The following VPS50 variants were observed in gnomAD, a reference collection of about 807,000 sequenced individuals.
VPS50 encodes the protein syndetin.
Under a neutral mutation model 139.7 loss-of-function variants are expected in VPS50, and 70 were observed. That is an observed-to-expected ratio of 0.50 (90% confidence interval 0.41 to 0.61). VPS50 has a LOEUF of 0.61. VPS50 is among the 20% of genes least tolerant of loss of function. The pLI, the probability that VPS50 is intolerant of heterozygous loss-of-function variation, is 0.00. For synonymous variants in VPS50, 365 were observed against 376.7 expected (o/e 0.97, Z 0.36); for missense variants, 921 against 1,133.7 (o/e 0.81, Z 2.69).
chr7:93,281,225 T>C (rs1796317842), intron 12 of VPS50, among the ~76,000 whole-genome samples: 2 of 152,182 alleles, frequency 1.3e-5, no homozygotes, highest in African/African-American at 2.4e-5. Context: ...CTTATAGGCT[T>C]TTAAAGTTTC....
intron 16 of VPS50, among the ~76,000 whole-genome samples, chr7:93,300,854 G>GA (rs1299551662): frequency 1.3e-5 from 2 of 151,796 alleles, no homozygotes; most frequent in Non-Finnish European, 2.9e-5. Flanking sequence ...TGCAGAAAGA[G>GA]AAAATTTCTT....
In VPS50 at chr7:93,296,785, T is replaced by G; in HGVS notation, c.1211T>G (p.Leu404Trp). Residue 404 changes from leucine (L) to tryptophan (W), a missense_variant, in exon 15 of 28, where the codon TTG (leucine) becomes TGG (tryptophan). By Grantham distance (61) the Leu-to-Trp change is moderately conservative (BLOSUM62 -2). This residue lies in a region of VPS50 where 744 missense variants were observed against 930.6 expected (regional missense o/e 0.80). Transcript: ENST00000305866. ...KVKTYLLGTD[L>W]SIFKYDDFIF... The stretch of plus-strand genomic sequence containing the variant: ...AAAACCTACTTGCTTGGAACTGATT[T>G]GTCTATATTCAAATATGATGATTTC... 1 of 1,606,184 alleles carries G rather than the reference T, an allele frequency of 6.2e-7. No individual in the cohort carries two copies. Among genetic ancestry groups the G allele is most frequent in the Non-Finnish European group, 8.5e-7 (1 of 1,178,460 alleles).
At chr7:93,308,560 G>T (rs1483406458) in intron 18 of VPS50, among the ~76,000 whole-genome samples, 1 of 151,810 alleles carries the variant, frequency 6.6e-6, no homozygotes, top group Non-Finnish European at 1.5e-5. Flanking sequence ...TGGAATGTTT[G>T]TTAGGTTTTG....
chr7:93,250,480 G>A (rs1048904303), intron 2 of VPS50, among the ~76,000 whole-genome samples: 5 of 152,070 alleles, frequency 3.3e-5, no homozygotes, highest in African/African-American at 4.8e-5. Context: ...ATGGTGCTGG[G>A]AAAATTGGCT....
At chr7:93,285,044 C>T (rs887145455) in intron 12 of VPS50, among the ~76,000 whole-genome samples, 1 of 152,176 alleles carries the variant, frequency 6.6e-6, no homozygotes, top group Non-Finnish European at 1.5e-5. Flanking sequence ...GCTGTTTTGA[C>T]CAGCAGCATA....
rs1796828290 is a variant in VPS50, at chr7:93,296,917, T to C, written c.1262+81T>C. The C allele has an allele frequency of 2.0e-6, 3 of 1,473,298 alleles. No individual in the cohort carries two copies. In the East Asian group the frequency reaches 7.4e-5, roughly 36 times the overall value. The allele number at this position is 1,473,298 out of a possible 1,614,324, so 91.3% of individuals were successfully genotyped here. ...TCATGAGCTAGTGAGTTATCATCTA[T>C]AACTTCTTTATGGAAATGAAGATAA... On this transcript the variant is annotated intron_variant, in intron 15 of 27. Coordinates refer to ENST00000305866, the MANE Select transcript of VPS50 (RefSeq NM_017667.4).
chr7:93,341,441 T>C lies in VPS50; in HGVS notation c.2073T>C (p.Asp691=). Residue 691 remains aspartate (D), a synonymous_variant, in exon 23 of 28, where the codon GAT becomes GAC. Transcript: ENST00000305866. ...TGTATTTTCAGGAAGTTTCAGCTGA[T>C]CCTACTGCCACACTCACAGCAGCAG... The part of the protein sequence containing the change: ...ESLIDLEVSA[D]PTATLTAAEE... The C allele has an allele frequency of 6.2e-7, 1 of 1,609,090 alleles. No homozygotes were observed. Among genetic ancestry groups the C allele is most frequent in the South Asian group, 1.1e-5 (1 of 89,944 alleles).
intron 16 of VPS50, among the ~76,000 whole-genome samples, chr7:93,300,603 G>A (rs978849861): frequency 2.0e-5 from 3 of 151,970 alleles, no homozygotes; most frequent in Non-Finnish European, 4.4e-5. Context: ...AAAATATCAC[G>A]TTATTACTTT....
intron 20 of VPS50, among the ~76,000 whole-genome samples, chr7:93,319,947 A>G (rs1797551467): frequency 6.6e-6 from 1 of 151,882 alleles, no homozygotes; most frequent in Non-Finnish European, 1.5e-5. Flanking sequence ...TTTTTTGGAT[A>G]ATCTTTTATT....
intron 2 of VPS50, among the ~76,000 whole-genome samples, chr7:93,249,960 T>C (rs1247827850): frequency 6.6e-6 from 1 of 152,156 alleles, no homozygotes; most frequent in East Asian, 1.9e-4. Flanking sequence ...AATGGATTCC[T>C]GTGTTGTAGA....
chr7:93,327,196 C>T (rs927500934), intron 21 of VPS50, among the ~76,000 whole-genome samples: 4 of 152,164 alleles, frequency 2.6e-5, no homozygotes, highest in Admixed American at 2.6e-4. Flanking sequence ...GTATGGTAAC[C>T]ACTAGCCACA....
chr7:93,294,464 TGA>T, intron 13 of VPS50, 79 bp from the exon 14 acceptor site: 2 of 1,223,730 alleles, frequency 1.6e-6, no homozygotes, highest in Non-Finnish European at 2.2e-6. Context: ...TTACAATGTG[TGA>T]GAGGCCAAAT....
intron 9 of VPS50, among the ~76,000 whole-genome samples, chr7:93,267,056 T>G (rs1562859620): frequency 6.6e-6 from 1 of 152,210 alleles, no homozygotes. Context: ...ACATCTAGGT[T>G]TATTATAATT....
intron 4 of VPS50, chr7:93,256,292 TTAAGGAC>T (rs1393938723): frequency 6.4e-6 from 2 of 311,346 alleles, no homozygotes; most frequent in Admixed American, 5.1e-5. Flanking sequence ...TGAGTTTCTG[TTAAGGAC>T]CAGGACCTGT....
chr7:93,265,169 A>AAT (rs1216400633), intron 9 of VPS50, among the ~76,000 whole-genome samples: 3 of 151,762 alleles, frequency 2.0e-5, no homozygotes, highest in Admixed American at 1.3e-4. Context: ...ATATATACAT[A>AAT]ATATATATAT....
intron 21 of VPS50, among the ~76,000 whole-genome samples, chr7:93,327,530 G>A (rs1420258549): frequency 6.6e-6 from 1 of 151,984 alleles, no homozygotes; most frequent in Non-Finnish European, 1.5e-5. Flanking sequence ...AAAATATATT[G>A]CATATTTGAT....
chr7:93,257,381 A>C lies in VPS50; in HGVS notation c.352-13A>C. On this transcript the variant is annotated splice_polypyrimidine_tract_variant and intron_variant, in intron 5 of 27. Coordinates refer to ENST00000305866, the MANE Select transcript of VPS50 (RefSeq NM_017667.4). The stretch of plus-strand genomic sequence containing the variant: ...ATACCTCCAACAATAACCTGTACCT[A>C]ATCTTCCCATAGGAACTTGAAAGAG... 1 of 1,519,882 alleles carries C rather than the reference A, an allele frequency of 6.6e-7. No individual in the cohort carries two copies. The highest frequency in any genetic ancestry group is 9.1e-7 in the Non-Finnish European group (1 of 1,096,652). The allele number at this position is 1,519,882 out of a possible 1,614,324, so 94.1% of individuals were successfully genotyped here.
At chr7:93,248,955 T>C (rs538624320) in intron 2 of VPS50, among the ~76,000 whole-genome samples, 1 of 152,240 alleles carries the variant, frequency 6.6e-6, no homozygotes, top group African/African-American at 2.4e-5. Context: ...GGAAATAATA[T>C]TACATAGGGG....
chr7:93,283,024 T>C (rs1796373326), intron 12 of VPS50, among the ~76,000 whole-genome samples: 2 of 152,170 alleles, frequency 1.3e-5, no homozygotes, highest in South Asian at 4.1e-4. Context: ...TTTATTTGTT[T>C]CTTCCTTTTT....
Sources: gnomAD v4.1 joint callset for allele counts (sites outside exome capture counted in the v4.1 genomes callset) on GRCh38, gnomAD v4.1.1 for gene constraint, gnomAD v4.1.1 regional missense constraint, MANE v1.5 for transcripts, NCBI Gene and HGNC (gene_info 2026-07-23, HGNC 2026-07-21) for gene names.